Variants in PAXIP1 observed in about 807,000 individuals in gnomAD.
The protein encoded by PAXIP1 is PAX interacting protein 1, also known as PAX-interacting protein 1.
In PAXIP1, 19 loss-of-function variants were observed where a neutral mutation model predicts 140.6. The observed-to-expected ratio is 0.14, with a 90% confidence interval of 0.09 to 0.20. The LOEUF (loss-of-function observed/expected upper bound fraction) is 0.20. Ranked by LOEUF, PAXIP1 falls within the 10% of genes least tolerant of loss-of-function variation. The pLI is 1.00. For synonymous variants in PAXIP1, 442 were observed against 444.6 expected (o/e 0.99, Z 0.07); for missense variants, 920 against 1,208.6 (o/e 0.76, Z 3.54).
intron 5 of PAXIP1, among the ~76,000 whole-genome samples, chr7:154,982,445 T>C (rs11768708): frequency 6.6e-6 from 1 of 151,966 alleles, no homozygotes; most frequent in African/African-American, 2.4e-5. Flanking sequence ...CCACCTCCTG[T>C]GTTCAAGCGA....
chr7:154,962,079 A>G (rs1234847136), intron 10 of PAXIP1, among the ~76,000 whole-genome samples: 2 of 152,234 alleles, frequency 1.3e-5, no homozygotes, highest in African/African-American at 2.4e-5. Flanking sequence ...TGGATTTTAA[A>G]TAGTGTCAAA....
intron 7 of PAXIP1, 69 bp from the exon 8 acceptor site, chr7:154,967,979 G>A: frequency 1.0e-6 from 1 of 997,638 alleles, no homozygotes; most frequent in East Asian, 2.5e-5. Context: ...AAGTTAAAAA[G>A]TGGCGCCTCA....
chr7:154,946,854 G>A lies in PAXIP1; in HGVS notation c.2923-41C>T. On this transcript the variant is annotated intron_variant, in intron 17 of 20. Transcript: ENST00000404141. This position sits in a 1 kb window ranked among gnomAD's most constrained non-coding sequence, Gnocchi z 4.9. ...AATATATGTATTATGTTCTTAAAAT[G>A]CTTTAATTTTTAGAGTACATAATTC... The A allele has an allele frequency of 7.0e-7, 1 of 1,426,404 alleles. No individual in the cohort carries two copies. Among genetic ancestry groups the A allele is most frequent in the Non-Finnish European group, 9.6e-7 (1 of 1,044,464 alleles). 88.4% of individuals were successfully genotyped at this position (1,426,404 alleles called of 1,614,324 possible).
chr7:154,954,115 T>G lies in PAXIP1; in HGVS notation c.2821+140A>C. On this transcript the variant is annotated intron_variant, in intron 16 of 20. Coordinates refer to ENST00000404141, the MANE Select transcript of PAXIP1 (RefSeq NM_007349.4). The surrounding 1 kb of genome is among the most constrained non-coding windows in gnomAD (Gnocchi z 5.1). ...TCAATCAAAGGAATCACTGGGGATA[T>G]GAAATAAATTTTTAAATTTAAATGA... is the stretch of plus-strand genomic sequence containing the variant. 1.8e-6 allele frequency: 1 copy of G among 564,548 alleles called. No homozygotes were observed. The highest frequency in any genetic ancestry group is 2.7e-6 in the Non-Finnish European group (1 of 364,882). 35.0% of individuals were successfully genotyped at this position (564,548 alleles called of 1,614,324 possible). A position where few individuals can be genotyped will look rare whatever the true frequency, so the allele number is the denominator to read the frequency against.
At chr7:154,971,695 C>T (rs369501128) in intron 6 of PAXIP1, among the ~76,000 whole-genome samples, 1 of 152,210 alleles carries the variant, frequency 6.6e-6, no homozygotes, top group African/African-American at 2.4e-5. Flanking sequence ...TCATAATCCT[C>T]ATTTACATTA....
chr7:154,983,373 A>C (rs1352468931), intron 4 of PAXIP1, 41 bp from the exon 5 acceptor site: 1 of 935,214 alleles, frequency 1.1e-6, no homozygotes, highest in African/African-American at 1.6e-5. Context: ...CATACATTTC[A>C]ATCTGTGCAT....
intron 4 of PAXIP1, among the ~76,000 whole-genome samples, chr7:154,990,150 T>G (rs1810262146): frequency 6.6e-6 from 1 of 150,704 alleles, no homozygotes; most frequent in South Asian, 2.1e-4. Context: ...CAAGTGATTC[T>G]CCTGCCTCAG....
chr7:154,983,131 CTAATT>C (rs1809917706), intron 5 of PAXIP1, 83 bp downstream of exon 5: 3 of 635,854 alleles, frequency 4.7e-6, no homozygotes, highest in Non-Finnish European at 8.2e-6. Context: ...AATATAATAA[CTAATT>C]TAAAAGAAGC....
At chr7:154,990,963 T>C (rs770665198) in intron 4 of PAXIP1, 43 bp downstream of exon 4, 40 of 1,172,716 alleles carry the variant, frequency 3.4e-5, no homozygotes, top group Non-Finnish European at 4.3e-5. Flanking sequence ...AACTCAGAAG[T>C]GTCACATATA....
At position 155,003,076 on chromosome 7, in the gene PAXIP1, T is replaced by TCCCCCGCCCTCCGCG. The variant is rs927043006; in HGVS notation, c.-162_-148dup. On this transcript the variant is annotated 5_prime_UTR_variant, in exon 1 of 21. Transcript: ENST00000404141. The stretch of plus-strand genomic sequence containing the variant: ...CCCGGTCCTGCGAATCGGGGTCCGC[T>TCCCCCGCCCTCCGCG]CCCCCGCCCTCCGCGCCCCCGCCCG... The TCCCCCGCCCTCCGCG allele has an allele frequency of 8.5e-5, 16 of 188,400 alleles. No homozygotes were observed. In the South Asian group the frequency reaches 9.8e-4, roughly 12 times the overall value. 11.7% of individuals were successfully genotyped at this position (188,400 alleles called of 1,614,324 possible). A position where few individuals can be genotyped will look rare whatever the true frequency, so the allele number is the denominator to read the frequency against.
intron 10 of PAXIP1, 47 bp from the exon 11 acceptor site, chr7:154,961,695 C>A: frequency 4.7e-6 from 7 of 1,487,704 alleles, no homozygotes; most frequent in South Asian, 1.2e-5. Context: ...AAGCAAAAAA[C>A]CAAAACCAAG....
Position 154,947,163 on chromosome 7 carries a change from G to A in PAXIP1, c.2923-350C>T, listed in dbSNP as rs1458792991. On this transcript the variant is annotated intron_variant, in intron 17 of 20. Transcript: ENST00000404141. Reference sequence around the variant, plus strand: ...GCATTATATTTCACCACACTTATCTGCCCAGCAACAGCCTCTGGCATAGCA... The same window carrying A: ...GCATTATATTTCACCACACTTATCTACCCAGCAACAGCCTCTGGCATAGCA... 9.7e-5 allele frequency: 18 copies of A among 185,864 alleles called. No individual in the cohort carries two copies. In the South Asian group the frequency reaches 1.4e-3, roughly 14 times the overall value. The allele number at this position is 185,864 out of a possible 1,614,324, so 11.5% of individuals were successfully genotyped here.
At chr7:154,987,802 C>A (rs1810143109) in intron 4 of PAXIP1, among the ~76,000 whole-genome samples, 1 of 152,162 alleles carries the variant, frequency 6.6e-6, no homozygotes, top group South Asian at 2.1e-4. Flanking sequence ...ACCACAGCAT[C>A]CCATGTCCCC....
At position 154,976,682 on chromosome 7, in the gene PAXIP1, T is replaced by C. The variant is rs552456221; in HGVS notation, c.439-351A>G. ...TAATTGCTACCTAAGTTTTTACTGA[T>C]TGATAATATTTAGAAGCTTGGTTTT... On this transcript the variant is annotated intron_variant, in intron 5 of 20. Coordinates refer to ENST00000404141, the MANE Select transcript of PAXIP1 (RefSeq NM_007349.4). Among the ~76,000 whole-genome samples the C allele has an allele frequency of 2.6e-5, 4 of 152,354 alleles. No individual in the cohort carries two copies. The East Asian group carries it at 7.7e-4, about 29-fold the overall frequency.
chr7:154,976,303 G>T lies in PAXIP1; in HGVS notation c.467C>A (p.Ala156Glu). 1 of 1,605,310 alleles carries T rather than the reference G, an allele frequency of 6.2e-7. No individual in the cohort carries two copies. The highest frequency in any genetic ancestry group is 8.5e-7 in the Non-Finnish European group (1 of 1,175,958). Residue 156 changes from alanine (A) to glutamate (E), a missense_variant, in exon 6 of 21, where the codon GCA becomes GAA. Coordinates refer to ENST00000404141, the MANE Select transcript of PAXIP1 (RefSeq NM_007349.4). Reference protein sequence around the residue: ...GEKYECALKRASIKIVTPDWV... With the variant: ...GEKYECALKRESIKIVTPDWV... ...GTCAGGAGTCACAATTTTAATACTTGCTCGCTTTAAAGCACATTCGTATTT... is the reference window on the plus strand; with the variant it reads ...GTCAGGAGTCACAATTTTAATACTTTCTCGCTTTAAAGCACATTCGTATTT...
At chr7:154,957,923 C>T (rs528231434) in intron 13 of PAXIP1, among the ~76,000 whole-genome samples, 6 of 146,384 alleles carry the variant, frequency 4.1e-5, no homozygotes, top group East Asian at 2.0e-4. Flanking sequence ...GCCGAGATTG[C>T]GCCACTGCAG....
At chr7:154,972,926 C>T (rs1288907480) in intron 6 of PAXIP1, among the ~76,000 whole-genome samples, 1 of 152,232 alleles carries the variant, frequency 6.6e-6, no homozygotes, top group Non-Finnish European at 1.5e-5. Context: ...TCATGACATC[C>T]TCTGGCTCTC....
rs371861823 is a variant in PAXIP1 at position 154,969,046 on chromosome 7, A to G, written c.1155T>C (p.Asn385=). ...CTTTCACTTGGCTAAACAGCACTGC[A>G]TTGGCATTTGTATGTCCCTGCTGGC... The part of the protein sequence containing the change: ...NHSQQGHTNA[N]AVLFSQVKVT... Residue 385 remains asparagine (N), a synonymous_variant, in exon 7 of 21, where the codon AAT becomes AAC. Coordinates refer to ENST00000404141, the MANE Select transcript of PAXIP1 (RefSeq NM_007349.4). 42 of 1,540,474 alleles carry G rather than the reference A, an allele frequency of 2.7e-5. No individual in the cohort carries two copies. Among genetic ancestry groups the G allele is most frequent in the Non-Finnish European group, 3.5e-5 (40 of 1,139,590 alleles).
At chr7:154,993,204 A>G (rs1401839451) in intron 3 of PAXIP1, among the ~76,000 whole-genome samples, 1 of 152,206 alleles carries the variant, frequency 6.6e-6, no homozygotes. Flanking sequence ...TGAATGCTCC[A>G]TGAACGAACA....
Sources: gnomAD v4.1 joint callset for allele counts (sites outside exome capture counted in the v4.1 genomes callset) on GRCh38, gnomAD v4.1.1 for gene constraint, Gnocchi (gnomAD v3.1) non-coding constraint, MANE v1.5 for transcripts, NCBI Gene and HGNC (gene_info 2026-07-23, HGNC 2026-07-21) for gene names.